SIN3B: variants seen among roughly 807,000 people sequenced by gnomAD.
SIN3B encodes the protein paired amphipathic helix protein Sin3b.
Under a neutral mutation model 120.2 loss-of-function variants are expected in SIN3B, and 19 were observed. The observed-to-expected ratio is 0.16, with a 90% CI of 0.11 to 0.23. The LOEUF is 0.23. SIN3B is among the 10% of genes least tolerant of loss of function. The pLI is 1.00. For missense variants in SIN3B, 1,073 were observed against 1,573.0 expected, an observed-to-expected ratio of 0.68 and a Z score of 5.38; for synonymous variants, 654 against 653.2, an observed-to-expected ratio of 1.00 and a Z score of -0.02.
chr19:16,845,089 T>C (rs530273199), intron 4 of SIN3B, among the ~76,000 whole-genome samples: 1 of 152,330 alleles, frequency 6.6e-6, no homozygotes, highest in Admixed American at 6.5e-5. Flanking sequence ...TTATTCCCAG[T>C]ACTTGTATCT....
Position 16,859,409 on chromosome 19 carries a change from G to A in SIN3B, c.1059-2943G>A, listed in dbSNP as rs542005895. On this transcript the variant is annotated intron_variant, in intron 8 of 18. Coordinates refer to ENST00000248054, the MANE Select transcript of SIN3B (RefSeq NM_001297595.2). ...GTCCTCATTTTTAAGCAACTGCACC[G>A]CTTTTCCTTCCCTTACCAGGGTCTC... Among the ~76,000 whole-genome samples, 10 of 152,092 alleles carry A rather than the reference G, an allele frequency of 6.6e-5. No individual in the cohort carries two copies. In the East Asian group the frequency reaches 7.7e-4, roughly 12 times the overall value.
chr19:16,872,537 G>A (rs755121997), intron 14 of SIN3B: 1 of 151,840 alleles, frequency 6.6e-6, no homozygotes, highest in Non-Finnish European at 1.5e-5. Flanking sequence ...TCTGCCTCCT[G>A]GTTTCAAGCA....
intron 10 of SIN3B, chr19:16,865,153 G>T (rs1971746977): frequency 7.6e-6 from 3 of 392,868 alleles, no homozygotes; most frequent in Admixed American, 8.1e-5. Flanking sequence ...AATTAGCCAG[G>T]CATGGTGGTG....
intron 13 of SIN3B, 111 bp downstream of exon 13, chr19:16,870,186 G>T (rs1478411254): frequency 8.2e-7 from 1 of 1,221,520 alleles, no homozygotes; most frequent in African/African-American, 1.5e-5. Context: ...CATTTTAAGA[G>T]AATTCTGTGA....
chr19:16,857,861 T>G (rs750004754), intron 8 of SIN3B, among the ~76,000 whole-genome samples: 1 of 151,866 alleles, frequency 6.6e-6, no homozygotes, highest in Non-Finnish European at 1.5e-5. Context: ...GCTTCTTTTC[T>G]CTTCTCTTTT....
intron 14 of SIN3B, among the ~76,000 whole-genome samples, chr19:16,875,675 GGT>G: frequency 6.8e-6 from 1 of 146,988 alleles, no homozygotes. Flanking sequence ...TGTTTGGTCT[GGT>G]CTGGTCTGGT....
intron 14 of SIN3B, chr19:16,872,580 A>C (rs1381640709): frequency 6.6e-6 from 1 of 152,020 alleles, no homozygotes; most frequent in Non-Finnish European, 1.5e-5. Context: ...AGTAGCTGAG[A>C]TTACAGGTGC....
At position 16,866,363 on chromosome 19, in the gene SIN3B, C is replaced by A. The variant is rs1318880859; in HGVS notation, c.1623-10C>A. ...CTTGTCCCTGGTGCTGACCTCTCTT[C>A]CCCCCGCAGACTGAAGGCCAAGGAA... On this transcript the variant is annotated splice_polypyrimidine_tract_variant and intron_variant, in intron 11 of 18. Coordinates refer to ENST00000248054, the MANE Select transcript of SIN3B (RefSeq NM_001297595.2). 1 of 1,606,918 alleles carries A rather than the reference C, an allele frequency of 6.2e-7. No individual in the cohort carries two copies. The highest frequency in any genetic ancestry group is 1.7e-5 in the Admixed American group (1 of 58,690).
rs1270696229 is a variant in SIN3B, at chr19:16,869,777, C to T, written c.2124C>T (p.Ser708=). ...RKKPAPGPHS[S]PPEEKGAFGD... The stretch of plus-strand genomic sequence containing the variant: ...AGCCGGCGCCAGGACCCCACAGTAG[C>T]CCCCCAGAGGAGAAGGGGGCCTTCG... The change falls in exon 13 of 19, where the codon AGC becomes AGT. Residue 708 remains serine (S), a synonymous_variant. Transcript: ENST00000248054. 6.2e-7 allele frequency: 1 copy of T among 1,613,402 alleles called. No homozygotes were observed. The highest frequency in any genetic ancestry group is 8.5e-7 in the Non-Finnish European group (1 of 1,179,888).
At chr19:16,836,496 G>A (rs888535608) in intron 3 of SIN3B, among the ~76,000 whole-genome samples, 1 of 152,234 alleles carries the variant, frequency 6.6e-6, no homozygotes, top group African/African-American at 2.4e-5. Flanking sequence ...ACACCACCCT[G>A]GGTTATGTAT....
At chr19:16,838,506 A>G (rs554802612) in intron 3 of SIN3B, among the ~76,000 whole-genome samples, 2 of 152,254 alleles carry the variant, frequency 1.3e-5, no homozygotes, top group South Asian at 4.1e-4. Flanking sequence ...AGCCGGTATC[A>G]GTGCTTCCTT....
At chr19:16,836,000 C>G (rs10425195) in intron 3 of SIN3B, among the ~76,000 whole-genome samples, 5,123 of 152,226 alleles carry the variant, frequency 0.034, 278 homozygotes, top group African/African-American at 0.12. Context: ...TTTTCCCCCC[C>G]CAATTTTATC....
chr19:16,862,316 G>C lies in SIN3B; in HGVS notation c.1059-36G>C. Reference sequence around the variant, plus strand: ...TCCAGATCCCTCTCAGAAGGCCCTGGGGATGACCAGTTACCATGTGTCTTT... The same window carrying C: ...TCCAGATCCCTCTCAGAAGGCCCTGCGGATGACCAGTTACCATGTGTCTTT... On this transcript the variant is annotated intron_variant, in intron 8 of 18. Coordinates refer to ENST00000248054, the MANE Select transcript of SIN3B (RefSeq NM_001297595.2). The surrounding 1 kb of genome is among the most constrained non-coding windows in gnomAD (Gnocchi z 4.7). 6.4e-7 allele frequency: 1 copy of C among 1,563,580 alleles called. No individual in the cohort carries two copies. The highest frequency in any genetic ancestry group is 1.4e-5 in the African/African-American group (1 of 74,012).
intron 5 of SIN3B, among the ~76,000 whole-genome samples, chr19:16,850,817 C>T (rs113610448): frequency 0.013 from 1,939 of 152,310 alleles, 39 homozygotes; most frequent in African/African-American, 0.045. Context: ...GCACCCTGCT[C>T]GGGACAAGCA....
intron 3 of SIN3B, among the ~76,000 whole-genome samples, chr19:16,834,258 ACT>A (rs1971316714): frequency 6.6e-6 from 1 of 151,996 alleles, no homozygotes; most frequent in African/African-American, 2.4e-5. Context: ...TGCTGTGGAA[ACT>A]CTGGGTCTCG....
intron 3 of SIN3B, among the ~76,000 whole-genome samples, chr19:16,837,374 G>A (rs1198995062): frequency 6.6e-6 from 1 of 152,082 alleles, no homozygotes; most frequent in African/African-American, 2.4e-5. Flanking sequence ...AGAGTGGATG[G>A]TGACAAGGAC....
chr19:16,835,228 CTTTT>C (rs1183912183), intron 3 of SIN3B, among the ~76,000 whole-genome samples: 1 of 125,796 alleles, frequency 7.9e-6, no homozygotes, highest in Non-Finnish European at 1.7e-5. Flanking sequence ...ACCTGGCCAT[CTTTT>C]TTTTTTTTTT....
chr19:16,870,383 CT>C (rs1278155597), intron 13 of SIN3B, among the ~76,000 whole-genome samples: 2 of 136,262 alleles, frequency 1.5e-5, no homozygotes, highest in Non-Finnish European at 3.1e-5. Context: ...TACCCTTTTT[CT>C]TTCTTTTTTT....
At position 16,841,749 on chromosome 19, in the gene SIN3B, C is replaced by G. The variant is rs989678780; in HGVS notation, c.382-19C>G. ...TTTCCAGTGTCGGGCCTGGCAGTAA[C>G]TCATTGTCGCCTTGTCAGGAGAATT... On this transcript the variant is annotated intron_variant, in intron 3 of 18. Transcript: ENST00000248054. 2 of 1,610,738 alleles carry G rather than the reference C, an allele frequency of 1.2e-6. No homozygotes were observed. The highest frequency in any genetic ancestry group is 2.2e-5 in the East Asian group (1 of 44,834).
Sources: allele counts gnomAD v4.1 joint callset (sites outside exome capture counted in the v4.1 genomes callset), GRCh38; gene constraint gnomAD v4.1.1; non-coding constraint Gnocchi (gnomAD v3.1); transcripts MANE v1.5; gene names NCBI Gene and HGNC (gene_info 2026-07-23, HGNC 2026-07-21).